The following CEP128 variants were observed in gnomAD, a reference collection of about 807,000 sequenced individuals.
The protein encoded by CEP128 is centrosomal protein 128kDa.
In CEP128, 132 loss-of-function variants were observed where a neutral mutation model predicts 156.7. The ratio of observed to expected loss-of-function variants is 0.84; its 90% CI spans 0.73 to 0.97. CEP128 has a LOEUF of 0.97. CEP128 is among the 50% of genes least tolerant of loss of function. The probability of loss-of-function intolerance (pLI) is 0.00; values close to 1 mark genes in which losing one functional copy is unlikely to be tolerated. For missense variants in CEP128, 1,252 were observed against 1,281.9 expected (o/e 0.98, Z 0.36); for synonymous variants, 469 against 448.9 (o/e 1.04, Z -0.57).
chr14:80,735,328 T>C (rs957634081), intron 19 of CEP128, among the ~76,000 whole-genome samples: 6 of 152,210 alleles, frequency 3.9e-5, no homozygotes, highest in Non-Finnish European at 2.9e-5. Flanking sequence ...ATAGTATATT[T>C]GAAGAAAGAA....
At chr14:80,715,678 G>T (rs899258178) in intron 19 of CEP128, among the ~76,000 whole-genome samples, 1 of 152,074 alleles carries the variant, frequency 6.6e-6, no homozygotes, top group African/African-American at 2.4e-5. Context: ...TAAAAAGGAG[G>T]GAAAAGGAGT....
intron 23 of CEP128, 145 bp downstream of exon 23, chr14:80,526,724 A>G (rs1038759764): frequency 1.6e-5 from 8 of 494,782 alleles, no homozygotes; most frequent in Non-Finnish European, 2.9e-5. Context: ...CCATTTCCAC[A>G]GAATTGAAAG....
chr14:80,720,986 C>T (rs879544975), intron 19 of CEP128, among the ~76,000 whole-genome samples: 36 of 152,092 alleles, frequency 2.4e-4, no homozygotes, highest in Non-Finnish European at 1.5e-5. Context: ...TTCTGATTTG[C>T]TCGTTATCTT....
chr14:80,645,067 C>T (rs1167387539), intron 19 of CEP128, among the ~76,000 whole-genome samples: 1 of 152,104 alleles, frequency 6.6e-6, no homozygotes, highest in African/African-American at 2.4e-5. Flanking sequence ...AAACATTCTG[C>T]ATCCCAGATT....
chr14:80,770,019 G>A (rs1003698734), intron 16 of CEP128, among the ~76,000 whole-genome samples: 2 of 152,148 alleles, frequency 1.3e-5, no homozygotes, highest in Admixed American at 6.5e-5. Context: ...ACACTACAGG[G>A]ATCACTCACA....
intron 13 of CEP128, among the ~76,000 whole-genome samples, chr14:80,796,428 G>T (rs1435149065): frequency 4.0e-5 from 6 of 151,364 alleles, no homozygotes. Context: ...CCACTGCACT[G>T]CAGCCTAGGC....
chr14:80,755,630 C>A (rs1455520887), intron 18 of CEP128, among the ~76,000 whole-genome samples: 1 of 152,122 alleles, frequency 6.6e-6, no homozygotes, highest in African/African-American at 2.4e-5. Context: ...TACTGCAAGA[C>A]GTCAGAATGG....
downstream of CEP128, among the ~76,000 whole-genome samples, chr14:80,486,814 T>A (rs1349829706): frequency 6.6e-6 from 1 of 151,524 alleles, no homozygotes; most frequent in East Asian, 1.9e-4. Flanking sequence ...CAGAGTAAAG[T>A]AAAGCAAATG....
At chr14:80,756,809 T>C in intron 18 of CEP128, 83 bp downstream of exon 18, 3 of 882,678 alleles carry the variant, frequency 3.4e-6, no homozygotes, top group South Asian at 1.5e-5. Context: ...TTCAGTTACA[T>C]AACAAAATAA....
At chr14:80,491,308 A>G (rs1016982298) in intron 6 of CEP128, among the ~76,000 whole-genome samples, 11 of 152,192 alleles carry the variant, frequency 7.2e-5, no homozygotes, top group Non-Finnish European at 1.3e-4. Context: ...GGCCAGCAGC[A>G]TGAGGTCTCT....
chr14:80,674,073 T>G (rs1440786539), intron 19 of CEP128, among the ~76,000 whole-genome samples: 3 of 53,886 alleles, frequency 5.6e-5, no homozygotes, highest in African/African-American at 2.5e-4. Flanking sequence ...TAATTCATAG[T>G]TTTTTTTTTT....
In CEP128 at chr14:80,841,651, C is replaced by T. The variant is rs73338199; in HGVS notation, c.763-883G>A. Among the ~76,000 whole-genome samples the T allele has an allele frequency of 7.5e-3, 1,135 of 151,864 alleles. 15 individuals are homozygous for T. Among genetic ancestry groups the T allele is most frequent in the African/African-American group, 0.025 (1,035 of 41,462 alleles). ...GATGATTCTATGAATTATTATTATT[C>T]CAAGCCCATTTTATTAAAGGGGAAA... On this transcript the variant is annotated intron_variant, in intron 9 of 24. Transcript: ENST00000555265.
downstream of CEP128, among the ~76,000 whole-genome samples, chr14:80,493,343 C>A (rs1194092586): frequency 1.3e-5 from 2 of 152,116 alleles, no homozygotes; most frequent in African/African-American, 2.4e-5. Context: ...ATTTCCCACC[C>A]CCAACATTCT....
At chr14:80,494,803 T>C (rs180932167), downstream of CEP128, among the ~76,000 whole-genome samples, 2 of 152,328 alleles carry the variant, frequency 1.3e-5, no homozygotes, top group African/African-American at 2.4e-5. Context: ...ATTTTAGCTC[T>C]TTATTAGTAA....
chr14:80,568,659 G>A (rs1891016577), intron 20 of CEP128, among the ~76,000 whole-genome samples: 1 of 152,078 alleles, frequency 6.6e-6, no homozygotes, highest in South Asian at 2.1e-4. Context: ...AATTCAGTTT[G>A]ACTGAGATTA....
chr14:80,892,475 T>G (rs572466055), intron 8 of CEP128, among the ~76,000 whole-genome samples: 1 of 151,950 alleles, frequency 6.6e-6, no homozygotes. Context: ...GAAAATCTCC[T>G]GGACACTGAC....
At chr14:80,758,501 GA>G (rs1226898085) in intron 17 of CEP128, among the ~76,000 whole-genome samples, 1 of 146,788 alleles carries the variant, frequency 6.8e-6, no homozygotes, top group Non-Finnish European at 1.5e-5. Context: ...CAGTCTGGGG[GA>G]CAAGAGAGAG....
intron 2 of CEP128, among the ~76,000 whole-genome samples, chr14:80,938,245 ATTTTTT>A (rs35236692): frequency 8.5e-6 from 1 of 117,012 alleles, no homozygotes; most frequent in Non-Finnish European, 1.7e-5. Context: ...CAGTGTTAGT[ATTTTTT>A]TTTTTTTTTT....
chr14:80,863,817 A>G (rs896152543), intron 8 of CEP128, among the ~76,000 whole-genome samples: 2 of 152,200 alleles, frequency 1.3e-5, no homozygotes, highest in Non-Finnish European at 2.9e-5. Context: ...TAACTCAGTA[A>G]ATGTATGGAA....
Sources: gnomAD v4.1 joint callset for allele counts (sites outside exome capture counted in the v4.1 genomes callset) on GRCh38, gnomAD v4.1.1 for gene constraint, MANE v1.5 for transcripts, NCBI Gene and HGNC (gene_info 2026-07-23, HGNC 2026-07-21) for gene names.